LRRC37A: variants seen among roughly 807,000 people sequenced by gnomAD.
LRRC37A encodes leucine rich repeat containing 37A, also known as leucine-rich repeat-containing protein 37A.
In LRRC37A, 3 loss-of-function variants were observed where a neutral mutation model predicts 35.4. That is an observed-to-expected ratio of 0.08 (90% confidence interval 0.04 to 0.22). The LOEUF is 0.22. LRRC37A is among the 10% of genes least tolerant of loss of function. The pLI is 1.00. For synonymous variants in LRRC37A, 23 were observed against 215.0 expected, an observed-to-expected ratio of 0.11 and a Z score of 7.81; for missense variants, 67 against 565.3, an observed-to-expected ratio of 0.12 and a Z score of 8.94.
the LRRC37A span, among the ~76,000 whole-genome samples, chr17:46,280,026 C>CA: frequency 6.6e-5 from 10 of 151,024 alleles, no homozygotes; most frequent in Non-Finnish European, 4.5e-5. Flanking sequence ...CACCTTGAGT[C>CA]AGAGTAATTC....
At chr17:46,263,507 C>T in the LRRC37A span, among the ~76,000 whole-genome samples, 15,275 of 128,472 alleles carry the variant, frequency 0.12, 1 homozygote, top group Middle Eastern at 0.23. Context: ...GCTGAGATCA[C>T]ACCACTGCAC....
At chr17:46,281,214 T>A in the LRRC37A span, among the ~76,000 whole-genome samples, 1 of 152,178 alleles carries the variant, frequency 6.6e-6, no homozygotes, top group Non-Finnish European at 1.5e-5. Context: ...GTTTATCAAC[T>A]GACCCCTTGC....
chr17:46,263,567 A>G, the LRRC37A span, among the ~76,000 whole-genome samples: 7 of 150,550 alleles, frequency 4.6e-5, no homozygotes, highest in Non-Finnish European at 8.9e-5. Context: ...AAAAAAAAAA[A>G]AAAAAGGCTG....
chr17:46,266,034 T>A, the LRRC37A span, among the ~76,000 whole-genome samples: 1 of 152,168 alleles, frequency 6.6e-6, no homozygotes, highest in Non-Finnish European at 1.5e-5. Flanking sequence ...GAGGCAGAGG[T>A]TACAGTGAGC....
At chr17:46,256,424 G>T in the LRRC37A span, among the ~76,000 whole-genome samples, 1 of 152,018 alleles carries the variant, frequency 6.6e-6, no homozygotes, top group African/African-American at 2.4e-5. Flanking sequence ...AAAAAAAGAA[G>T]AGACCAGAGA....
At chr17:46,261,744 A>G in the LRRC37A span, among the ~76,000 whole-genome samples, 2 of 113,170 alleles carry the variant, frequency 1.8e-5, no homozygotes, top group Non-Finnish European at 4.8e-5. Flanking sequence ...CTAAAAAAAA[A>G]AAAAAGAAGA....
the LRRC37A span, chr17:46,267,088 G>A: frequency 2.7e-6 from 1 of 375,902 alleles, no homozygotes; most frequent in Non-Finnish European, 4.6e-6. Flanking sequence ...CCGGCGCCGA[G>A]CTCTGCGCTT....
chr17:46,255,515 C>T, the LRRC37A span, among the ~76,000 whole-genome samples: 3 of 149,456 alleles, frequency 2.0e-5, no homozygotes, highest in Admixed American at 6.7e-5. Context: ...TACAGGCATA[C>T]GCCACCACAC....
chr17:46,264,613 T>C, the LRRC37A span, among the ~76,000 whole-genome samples: 7 of 152,252 alleles, frequency 4.6e-5, no homozygotes, highest in African/African-American at 1.7e-4. Context: ...ATTAATAAAC[T>C]GGCATTCTGG....
chr17:46,279,001 T>G, the LRRC37A span, among the ~76,000 whole-genome samples: 2 of 152,098 alleles, frequency 1.3e-5, no homozygotes, highest in Non-Finnish European at 2.9e-5. Context: ...TTTCACCATG[T>G]TGGTCAGGCT....
chr17:46,289,681 A>G (rs1310605858), upstream of LRRC37A, among the ~76,000 whole-genome samples: 2 of 152,260 alleles, frequency 1.3e-5, no homozygotes, highest in African/African-American at 4.8e-5. Flanking sequence ...AATTTTAAAT[A>G]CCAAAAATAT....
At chr17:46,288,341 C>T (rs375196843), upstream of LRRC37A, among the ~76,000 whole-genome samples, 174 of 139,524 alleles carry the variant, frequency 1.2e-3, no homozygotes, top group African/African-American at 4.7e-3. Flanking sequence ...CGGAGCCTTG[C>T]TCTGTCTCCC....
the LRRC37A span, among the ~76,000 whole-genome samples, chr17:46,266,191 T>G: frequency 6.6e-6 from 1 of 152,238 alleles, no homozygotes; most frequent in Admixed American, 6.5e-5. Context: ...TTAAGCACTA[T>G]TTTCCTATTT....
At chr17:46,285,241 C>CTTTTT in the LRRC37A span, among the ~76,000 whole-genome samples, 1 of 138,424 alleles carries the variant, frequency 7.2e-6, no homozygotes, top group Non-Finnish European at 1.6e-5. Flanking sequence ...CTTTTCTTTC[C>CTTTTT]TTTTTTTTTT....
the LRRC37A span, among the ~76,000 whole-genome samples, chr17:46,249,789 TCA>T: frequency 6.6e-6 from 1 of 152,198 alleles, no homozygotes; most frequent in Non-Finnish European, 1.5e-5. Context: ...CAGATGGCTG[TCA>T]CTGCAGTCAG....
At chr17:46,332,230 G>A (rs2144078825) in intron 9 of LRRC37A, among the ~76,000 whole-genome samples, 1 of 40,996 alleles carries the variant, frequency 2.4e-5, no homozygotes, top group Admixed American at 2.6e-4. Context: ...AAGGTGGGTG[G>A]ATTACTTGAA....
the LRRC37A span, among the ~76,000 whole-genome samples, chr17:46,275,728 A>G: frequency 1.3e-5 from 2 of 152,198 alleles, no homozygotes; most frequent in African/African-American, 4.8e-5. Context: ...AAGCATTACC[A>G]TTGTGGTGAA....
the LRRC37A span, among the ~76,000 whole-genome samples, chr17:46,266,850 C>T: frequency 6.6e-6 from 1 of 150,956 alleles, no homozygotes. Context: ...GAGAACCGCG[C>T]GTCGCCGCGC....
At chr17:46,249,175 T>C in the LRRC37A span, among the ~76,000 whole-genome samples, 8 of 152,042 alleles carry the variant, frequency 5.3e-5, no homozygotes, top group African/African-American at 1.9e-4. Context: ...GGGACAACTG[T>C]TCACTCCTTT....
Sources: gnomAD v4.1 joint callset for allele counts (sites outside exome capture counted in the v4.1 genomes callset) on GRCh38, gnomAD v4.1.1 for gene constraint, MANE v1.5 for transcripts, NCBI Gene and HGNC (gene_info 2026-07-23, HGNC 2026-07-21) for gene names.